The following PCBP3 variants were observed in gnomAD, a reference collection of about 807,000 sequenced individuals.
PCBP3 encodes poly(rC)-binding protein 3.
PCBP3 carries 25 observed loss-of-function variants against 52.7 expected under a neutral mutation model. The ratio of observed to expected loss-of-function variants is 0.47; its 90% CI spans 0.35 to 0.66. The LOEUF (loss-of-function observed/expected upper bound fraction) is 0.66. PCBP3 is among the 30% of genes least tolerant of loss of function. The probability of loss-of-function intolerance (pLI) is 0.01; values close to 1 mark genes in which losing one functional copy is unlikely to be tolerated. For synonymous variants in PCBP3, 162 were observed against 183.0 expected (o/e 0.89, Z 0.93); for missense variants, 391 against 490.3 (o/e 0.80, Z 1.91).
intron 4 of PCBP3, among the ~76,000 whole-genome samples, chr21:45,799,107 G>C (rs960491436): frequency 6.6e-6 from 1 of 152,256 alleles, no homozygotes; most frequent in Non-Finnish European, 1.5e-5. Flanking sequence ...GTGAATGGAT[G>C]TGTACATGGT....
At chr21:45,670,899 A>G (rs755583599) in intron 2 of PCBP3, among the ~76,000 whole-genome samples, 35 of 152,276 alleles carry the variant, frequency 2.3e-4, no homozygotes, top group Middle Eastern at 3.4e-3. Context: ...AGCTCCTCAC[A>G]GTGGGTGGTC....
At chr21:45,783,071 G>A (rs2146113819) in intron 4 of PCBP3, among the ~76,000 whole-genome samples, 1 of 152,338 alleles carries the variant, frequency 6.6e-6, no homozygotes, top group African/African-American at 2.4e-5. Flanking sequence ...GCTATACCAA[G>A]TTTTGGAAAG....
chr21:45,667,075 GTTCTTTCTTTCT>G (rs138226209), intron 1 of PCBP3, among the ~76,000 whole-genome samples: 8,576 of 147,642 alleles, frequency 0.058, 553 homozygotes, highest in African/African-American at 0.14. Context: ...GCATCTGTTT[GTTCTTTCTTTCT>G]TTCTTTCTTT....
At chr21:45,878,153 G>C (rs1456820213) in intron 5 of PCBP3, among the ~76,000 whole-genome samples, 3 of 152,266 alleles carry the variant, frequency 2.0e-5, no homozygotes, top group Non-Finnish European at 4.4e-5. Context: ...TGTGGCAGCA[G>C]TGGCTTTGAG....
At chr21:45,657,892 G>A (rs1173558629) in intron 1 of PCBP3, among the ~76,000 whole-genome samples, 2 of 152,262 alleles carry the variant, frequency 1.3e-5, no homozygotes, top group East Asian at 3.9e-4. Context: ...TAATCTGCAT[G>A]CCTTTTTAAA....
intron 4 of PCBP3, among the ~76,000 whole-genome samples, chr21:45,768,877 G>A (rs574397089): frequency 3.3e-5 from 5 of 152,326 alleles, no homozygotes; most frequent in Admixed American, 1.3e-4. Flanking sequence ...TCGTCTCCAC[G>A]ACAGGCACCT....
chr21:45,756,010 A>T (rs2088001345), intron 4 of PCBP3, among the ~76,000 whole-genome samples: 1 of 152,172 alleles, frequency 6.6e-6, no homozygotes, highest in South Asian at 2.1e-4. Flanking sequence ...TCCCAAGGTC[A>T]CAAAGATTAT....
chr21:45,937,315 G>C (rs942071815), intron 16 of PCBP3, among the ~76,000 whole-genome samples: 1 of 152,258 alleles, frequency 6.6e-6, no homozygotes, highest in South Asian at 2.1e-4. Context: ...CCTTTCTGAC[G>C]ATCACTGTGG....
chr21:45,685,707 A>G (rs913768927), intron 2 of PCBP3, among the ~76,000 whole-genome samples: 3 of 152,178 alleles, frequency 2.0e-5, no homozygotes, highest in African/African-American at 7.2e-5. Context: ...GAAACATAAA[A>G]GCTCAGGCAG....
chr21:45,776,585 A>T (rs2090279617), intron 4 of PCBP3, among the ~76,000 whole-genome samples: 1 of 151,730 alleles, frequency 6.6e-6, no homozygotes, highest in Admixed American at 6.6e-5. Flanking sequence ...GAATTGTTAT[A>T]TCCTCTTCCT....
intron 10 of PCBP3, 123 bp downstream of exon 10, chr21:45,909,609 G>A (rs1469036504): frequency 3.7e-5 from 33 of 900,040 alleles, no homozygotes; most frequent in Admixed American, 2.4e-4. Flanking sequence ...TGCTGGCCAC[G>A]CAGACCCCAC....
intron 4 of PCBP3, among the ~76,000 whole-genome samples, chr21:45,803,801 C>T (rs542478628): frequency 1.2e-4 from 18 of 152,318 alleles, no homozygotes; most frequent in African/African-American, 4.1e-4. Flanking sequence ...ATGGCTTCCC[C>T]GTGGCCTCGC....
At chr21:45,849,351 G>A (rs2093905508) in intron 4 of PCBP3, among the ~76,000 whole-genome samples, 1 of 151,992 alleles carries the variant, frequency 6.6e-6, no homozygotes, top group Admixed American at 6.6e-5. Flanking sequence ...GATTACAGGT[G>A]CCCGCCACCA....
chr21:45,648,203 C>G (rs541035113), intron 1 of PCBP3, among the ~76,000 whole-genome samples: 1 of 152,312 alleles, frequency 6.6e-6, no homozygotes, highest in Admixed American at 6.5e-5. Flanking sequence ...TATTAAAACA[C>G]TAAGTGTCTG....
intron 4 of PCBP3, among the ~76,000 whole-genome samples, chr21:45,764,605 G>T (rs2089110402): frequency 6.6e-6 from 1 of 152,234 alleles, no homozygotes; most frequent in Non-Finnish European, 1.5e-5. Flanking sequence ...AAGGCAGGGG[G>T]CTTGCAGAGA....
intron 5 of PCBP3, among the ~76,000 whole-genome samples, chr21:45,874,549 G>A (rs538347879): frequency 1.1e-4 from 16 of 144,382 alleles, no homozygotes; most frequent in East Asian, 8.1e-4. Flanking sequence ...CTGTCGTCCC[G>A]GGCTGGAGTG....
intron 5 of PCBP3, among the ~76,000 whole-genome samples, chr21:45,867,394 G>A (rs2094782095): frequency 6.6e-6 from 1 of 152,366 alleles, no homozygotes; most frequent in African/African-American, 2.4e-5. Context: ...CTTCCCGATG[G>A]TAGTCACCAG....
chr21:45,797,824 T>C (rs370055573), intron 4 of PCBP3, among the ~76,000 whole-genome samples: 1 of 236 alleles, frequency 4.2e-3, no homozygotes, highest in African/African-American at 0.014. Context: ...GACAGATGCA[T>C]GTATCCATAG....
chr21:45,752,611 G>A (rs1038691098), intron 3 of PCBP3, among the ~76,000 whole-genome samples: 4 of 151,834 alleles, frequency 2.6e-5, no homozygotes, highest in Non-Finnish European at 4.4e-5. Flanking sequence ...TAAAAATCAT[G>A]TAAAAATATA....
Sources: gnomAD v4.1 joint callset for allele counts (sites outside exome capture counted in the v4.1 genomes callset) on GRCh38, gnomAD v4.1.1 for gene constraint, MANE v1.5 for transcripts, NCBI Gene and HGNC (gene_info 2026-07-23, HGNC 2026-07-21) for gene names.